The following DCAF4 variants were observed in gnomAD, a reference collection of about 807,000 sequenced individuals.
The protein encoded by DCAF4 is DDB1- and CUL4-associated factor 4.
DCAF4 carries 37 observed loss-of-function variants against 60.9 expected under a neutral mutation model. The ratio of observed to expected loss-of-function variants is 0.61; its 90% confidence interval spans 0.47 to 0.80. The LOEUF (loss-of-function observed/expected upper bound fraction) is 0.80, where lower values mean the gene tolerates loss of function less well. DCAF4 is among the 30% of genes least tolerant of loss of function. The pLI, the probability that DCAF4 is intolerant of heterozygous loss-of-function variation, is 0.00. For synonymous variants in DCAF4, 243 were observed against 254.8 expected, an observed-to-expected ratio of 0.95 and a Z score of 0.44; for missense variants, 577 against 650.0, an observed-to-expected ratio of 0.89 and a Z score of 1.22.
intron 1 of DCAF4, among the ~76,000 whole-genome samples, chr14:72,934,130 G>A (rs549829097): frequency 6.9e-6 from 1 of 145,660 alleles, no homozygotes; most frequent in Non-Finnish European, 1.5e-5. Context: ...CAGGCCCCCC[G>A]CCCCCACTGC....
intron 1 of DCAF4, 176 bp from the exon 2 acceptor site, chr14:72,937,795 G>C: frequency 1.9e-6 from 1 of 514,158 alleles, no homozygotes; most frequent in Non-Finnish European, 2.5e-6. Flanking sequence ...GAAGGATGTT[G>C]GGGGAGTGCT....
At chr14:72,960,303 C>A (rs1276701239), downstream of DCAF4, among the ~76,000 whole-genome samples, 25 of 152,074 alleles carry the variant, frequency 1.6e-4, no homozygotes, top group Non-Finnish European at 8.8e-5. Flanking sequence ...GCGCGTGCCA[C>A]CACGCCTGGC....
Position 72,954,381 on chromosome 14 carries a change from G to A in DCAF4, c.908-5G>A, listed in dbSNP as rs773971590. On this transcript the variant is annotated splice_region_variant and splice_polypyrimidine_tract_variant and intron_variant, in intron 10 of 13. Coordinates refer to ENST00000358377, the MANE Select transcript of DCAF4 (RefSeq NM_015604.4). ...ATCTTACCAGCCCATCTCTGTCTCC[G>A]CCAGGCTTGTCTCGGCGGGTCCTGT... is the stretch of plus-strand genomic sequence containing the variant. 30 of 1,614,118 alleles carry A rather than the reference G, an allele frequency of 1.9e-5. No homozygotes were observed. The highest frequency in any genetic ancestry group is 5.0e-5 in the Admixed American group (3 of 60,018).
chr14:72,942,532 G>A (rs1163336940), intron 5 of DCAF4: 1 of 159,280 alleles, frequency 6.3e-6, no homozygotes, highest in African/African-American at 2.4e-5. Flanking sequence ...GGCCCCTCCT[G>A]TTTTCCTCCT....
chr14:72,928,585 T>TTTTATATATATATATATATATATATA (rs1283241933), intron 1 of DCAF4, among the ~76,000 whole-genome samples: 3 of 15,934 alleles, frequency 1.9e-4, no homozygotes, highest in African/African-American at 2.8e-4. Context: ...TAAACATCCT[T>TTTTATATATATATATATATATATATA]TATATATATA....
At chr14:72,957,587 T>C (rs1892472270) in intron 13 of DCAF4, 1 of 152,242 alleles carries the variant, frequency 6.6e-6, no homozygotes, top group African/African-American at 2.4e-5. Context: ...TTTAAGTCGA[T>C]TTTTCACCTG....
intron 1 of DCAF4, among the ~76,000 whole-genome samples, chr14:72,932,891 T>G (rs1888751326): frequency 6.6e-6 from 1 of 152,050 alleles, no homozygotes; most frequent in Non-Finnish European, 1.5e-5. Flanking sequence ...TTTCTTTCTT[T>G]CTTTCTTTCT....
downstream of DCAF4, chr14:72,962,082 A>C: frequency 1.0e-6 from 1 of 969,086 alleles, no homozygotes; most frequent in South Asian, 4.2e-5. Context: ...TTACATTAAA[A>C]AAATTTGTGT....
intron 9 of DCAF4, among the ~76,000 whole-genome samples, chr14:72,952,416 C>A (rs2140290536): frequency 6.6e-6 from 1 of 152,288 alleles, no homozygotes; most frequent in Middle Eastern, 3.4e-3. Context: ...TGGACAGGGC[C>A]TTCTCAGTCC....
intron 8 of DCAF4, among the ~76,000 whole-genome samples, chr14:72,948,188 G>T (rs186320026): frequency 0.015 from 2,267 of 151,794 alleles, 32 homozygotes; most frequent in African/African-American, 0.041. Flanking sequence ...AGTTTTTTTG[G>T]ATTTTAATTT....
intron 1 of DCAF4, among the ~76,000 whole-genome samples, chr14:72,935,995 C>G (rs1479982534): frequency 6.6e-6 from 1 of 151,820 alleles, no homozygotes; most frequent in Non-Finnish European, 1.5e-5. Context: ...ACTCTATTGC[C>G]CAGGCTGGTC....
chr14:72,953,824 G>GTA lies in DCAF4; in HGVS notation c.809-339_809-338insAT, dbSNP rs1567325919. On this transcript the variant is annotated intron_variant, in intron 9 of 13. Transcript: ENST00000358377. ...TGTGTGTGTGTGTGTGTGTGTGTGT[G>GTA]TGTGTATATACACACACACTTGCCT... 4.3e-3 allele frequency among the ~76,000 whole-genome samples: 405 copies of GTA among 94,802 alleles called. 20 individuals are homozygous for GTA. Among genetic ancestry groups the GTA allele is most frequent in the African/African-American group, 0.016 (370 of 23,064 alleles). The allele number at this position is 94,802 out of a possible 152,430, so 62.2% of individuals were successfully genotyped here.
At chr14:72,945,814 G>T in intron 6 of DCAF4, 70 bp from the exon 7 acceptor site, 1 of 1,595,054 alleles carries the variant, frequency 6.3e-7, no homozygotes, top group Admixed American at 1.7e-5. Context: ...GGAGAGACGG[G>T]CAGGTCCCTC....
intron 8 of DCAF4, among the ~76,000 whole-genome samples, chr14:72,949,833 T>C (rs1340482808): frequency 6.6e-6 from 1 of 152,230 alleles, no homozygotes; most frequent in African/African-American, 2.4e-5. Flanking sequence ...ATTTACATTT[T>C]CCAGTGAGGA....
chr14:72,953,826 G>GTGTGTGTA (rs1306436881), intron 9 of DCAF4, among the ~76,000 whole-genome samples: 6 of 86,578 alleles, frequency 6.9e-5, no homozygotes, highest in African/African-American at 2.7e-4. Context: ...GTGTGTGTGT[G>GTGTGTGTA]TGTATATACA....
rs1347550350 is a variant in DCAF4, at chr14:72,947,296, AGAC to A, written c.728+106_728+108del. 3 of 1,310,318 alleles carry A rather than the reference AGAC, an allele frequency of 2.3e-6. No homozygotes were observed. The African/African-American group carries it at 4.4e-5, about 19-fold the overall frequency. 81.2% of individuals were successfully genotyped at this position (1,310,318 alleles called of 1,614,324 possible). A position where few individuals can be genotyped will look rare whatever the true frequency, so the allele number is the denominator to read the frequency against. On this transcript the variant is annotated intron_variant, in intron 8 of 13. Coordinates refer to ENST00000358377, the MANE Select transcript of DCAF4 (RefSeq NM_015604.4). ...ATGGCATCTTAGTGACCAGAGGACTAGACCCTTGTGCACTTACATCTCACGCTT... is the reference window on the plus strand; with the variant it reads ...ATGGCATCTTAGTGACCAGAGGACTACCTTGTGCACTTACATCTCACGCTT...
downstream of DCAF4, chr14:72,961,878 C>T (rs1892835321): frequency 1.8e-6 from 2 of 1,117,994 alleles, no homozygotes; most frequent in South Asian, 2.9e-5. Context: ...ATGGCCACTA[C>T]AATGCTGATG....
At chr14:72,949,283 A>C (rs964602624) in intron 8 of DCAF4, among the ~76,000 whole-genome samples, 17 of 151,824 alleles carry the variant, frequency 1.1e-4, no homozygotes, top group Admixed American at 9.9e-4. Flanking sequence ...ACCTCTCTAC[A>C]AAAAAAATAA....
rs146250601 is a variant in DCAF4, at chr14:72,931,988, C to CTT, written c.-9+5460_-9+5461dup. On this transcript the variant is annotated intron_variant, in intron 1 of 13. Transcript: ENST00000358377. ...CCCATACTGACCTATATTTTTCCTT[C>CTT]TTTTTTTTTTTTTTTTGAGAGATGG... Among the ~76,000 whole-genome samples, 89 of 116,976 alleles carry CTT rather than the reference C, an allele frequency of 7.6e-4. 1 individual carries two copies. Among genetic ancestry groups the CTT allele is most frequent in the African/African-American group, 2.4e-3 (73 of 29,808 alleles). 76.7% of individuals were successfully genotyped at this position (116,976 alleles called of 152,430 possible). A position where few individuals can be genotyped will look rare whatever the true frequency, so the allele number is the denominator to read the frequency against.
Sources: allele counts gnomAD v4.1 joint callset (sites outside exome capture counted in the v4.1 genomes callset), GRCh38; gene constraint gnomAD v4.1.1; transcripts MANE v1.5; gene names NCBI Gene and HGNC (gene_info 2026-07-23, HGNC 2026-07-21).